GPC5: variants seen among roughly 807,000 people sequenced by gnomAD.
The protein encoded by GPC5 is glypican 5.
GPC5 carries 47 observed loss-of-function variants against 53.9 expected under a neutral mutation model. That is an observed-to-expected ratio of 0.87 (90% CI 0.69 to 1.11). The LOEUF is 1.11. Among genes scored for constraint, GPC5 ranks in the 50% most tolerant of loss-of-function variants. The pLI, the probability that GPC5 is intolerant of heterozygous loss-of-function variation, is 0.00. For missense variants in GPC5, 748 were observed against 713.1 expected, an observed-to-expected ratio of 1.05 and a Z score of -0.56; for synonymous variants, 286 against 263.3, an observed-to-expected ratio of 1.09 and a Z score of -0.84.
rs1165131732 is a variant in GPC5, at chr13:91,572,183, G to GTGTATATACACATA, written c.326-120998_326-120997insTACACATATGTATA. Among the ~76,000 whole-genome samples, 5 of 34,394 alleles carry GTGTATATACACATA rather than the reference G, an allele frequency of 1.5e-4. No individual in the cohort carries two copies. The Admixed American group carries it at 1.6e-3, about 11-fold the overall frequency. 22.6% of individuals were successfully genotyped at this position (34,394 alleles called of 152,430 possible). On this transcript the variant is annotated intron_variant, in intron 2 of 7. Coordinates refer to ENST00000377067, the MANE Select transcript of GPC5 (RefSeq NM_004466.6). ...TACACACACATATGTATATATACGT[G>GTGTATATACACATA]TGTATACACACACATATGTATATAT...
At chr13:91,905,177 A>C (rs1336165380) in intron 5 of GPC5, among the ~76,000 whole-genome samples, 1 of 152,018 alleles carries the variant, frequency 6.6e-6, no homozygotes, top group Admixed American at 6.6e-5. Context: ...TATCATTACA[A>C]ATATTCAACA....
chr13:91,532,192 GT>G (rs1886380174), intron 2 of GPC5, among the ~76,000 whole-genome samples: 1 of 152,148 alleles, frequency 6.6e-6, no homozygotes. Flanking sequence ...TTTTATATAT[GT>G]TATTGTCAAA....
At chr13:92,411,352 C>T (rs1876035916) in intron 7 of GPC5, among the ~76,000 whole-genome samples, 1 of 152,140 alleles carries the variant, frequency 6.6e-6, no homozygotes, top group Non-Finnish European at 1.5e-5. Flanking sequence ...ACCAATTGGT[C>T]TATAATAGAA....
chr13:91,424,547 A>G (rs1201873931), intron 1 of GPC5, among the ~76,000 whole-genome samples: 1 of 151,784 alleles, frequency 6.6e-6, no homozygotes, highest in East Asian at 1.9e-4. Context: ...TGTATTTTTA[A>G]GTAGAGACGG....
chr13:91,932,679 T>C (rs994315527), intron 6 of GPC5, among the ~76,000 whole-genome samples: 1 of 151,966 alleles, frequency 6.6e-6, no homozygotes, highest in Admixed American at 6.6e-5. Flanking sequence ...CGAGGATTGT[T>C]GCCTCCAATG....
At chr13:91,514,939 C>T (rs543923278) in intron 2 of GPC5, among the ~76,000 whole-genome samples, 12 of 152,202 alleles carry the variant, frequency 7.9e-5, no homozygotes, top group East Asian at 1.9e-4. Flanking sequence ...TTTATATCTG[C>T]GCTATTTAAA....
intron 7 of GPC5, among the ~76,000 whole-genome samples, chr13:92,855,309 G>A (rs778865753): frequency 6.6e-5 from 10 of 151,848 alleles, no homozygotes; most frequent in South Asian, 2.1e-4. Flanking sequence ...TTATTTAAGT[G>A]GTTAACTTTG....
intron 6 of GPC5, among the ~76,000 whole-genome samples, chr13:91,982,392 A>G (rs1200255159): frequency 1.3e-5 from 2 of 152,212 alleles, no homozygotes; most frequent in Non-Finnish European, 2.9e-5. Flanking sequence ...GGTTAATTAA[A>G]TGATGTAACA....
chr13:91,630,210 T>C (rs978798052), intron 2 of GPC5, among the ~76,000 whole-genome samples: 5 of 152,196 alleles, frequency 3.3e-5, no homozygotes, highest in Admixed American at 2.6e-4. Flanking sequence ...CTAACTGTAA[T>C]GCCTCTTTGG....
chr13:91,506,108 T>A (rs1228970915), intron 2 of GPC5, among the ~76,000 whole-genome samples: 1 of 152,116 alleles, frequency 6.6e-6, no homozygotes, highest in Non-Finnish European at 1.5e-5. Flanking sequence ...GCCAATTACT[T>A]TGCCTGAGAC....
intron 2 of GPC5, among the ~76,000 whole-genome samples, chr13:91,645,979 G>A (rs1300455529): frequency 6.6e-6 from 1 of 152,190 alleles, no homozygotes; most frequent in African/African-American, 2.4e-5. Flanking sequence ...CATGTTGGTA[G>A]CAGGTAACAC....
chr13:92,739,157 T>TAAAC (rs1195978337), intron 7 of GPC5, among the ~76,000 whole-genome samples: 1 of 152,116 alleles, frequency 6.6e-6, no homozygotes, highest in African/African-American at 2.4e-5. Flanking sequence ...TATTTATATA[T>TAAAC]AAACATATGT....
chr13:92,119,622 A>G lies in GPC5; in HGVS notation c.1402-25208A>G, dbSNP rs534588439. Among the ~76,000 whole-genome samples, 722 of 115,282 alleles carry G rather than the reference A, an allele frequency of 6.3e-3. 14 individuals carry two copies. The highest frequency in any genetic ancestry group is 0.023 in the African/African-American group (688 of 29,442). 75.6% of individuals were successfully genotyped at this position (115,282 alleles called of 152,430 possible). Reference sequence around the variant, plus strand: ...TTTTTAGTAGAGACGGGGTTTCACCATGTTAGCCAGGATGGTCTCGATCTC... The same window carrying G: ...TTTTTAGTAGAGACGGGGTTTCACCGTGTTAGCCAGGATGGTCTCGATCTC... On this transcript the variant is annotated intron_variant, in intron 6 of 7. Coordinates refer to ENST00000377067, the MANE Select transcript of GPC5 (RefSeq NM_004466.6).
intron 2 of GPC5, among the ~76,000 whole-genome samples, chr13:91,621,927 A>G (rs559874723): frequency 3.9e-5 from 6 of 152,022 alleles, no homozygotes; most frequent in Non-Finnish European, 7.4e-5. Context: ...TGCAGCCTTC[A>G]GTCTGTGGCC....
chr13:91,507,136 A>G (rs1342723303), intron 2 of GPC5, among the ~76,000 whole-genome samples: 1 of 152,130 alleles, frequency 6.6e-6, no homozygotes, highest in Non-Finnish European at 1.5e-5. Context: ...TTTACTTCTC[A>G]TAGCTCTGGA....
chr13:92,286,602 G>A (rs1203783324), intron 7 of GPC5, among the ~76,000 whole-genome samples: 1 of 152,006 alleles, frequency 6.6e-6, no homozygotes, highest in African/African-American at 2.4e-5. Flanking sequence ...GGATGAAGCT[G>A]GATACCATTA....
chr13:92,650,805 ATTTTAC>A (rs1261706281), intron 7 of GPC5, among the ~76,000 whole-genome samples: 1 of 152,098 alleles, frequency 6.6e-6, no homozygotes, highest in Non-Finnish European at 1.5e-5. Flanking sequence ...ATTTTTTAAA[ATTTTAC>A]TTTAAGTTCT....
intron 6 of GPC5, among the ~76,000 whole-genome samples, chr13:92,001,070 G>A (rs1489816046): frequency 6.6e-6 from 1 of 152,192 alleles, no homozygotes; most frequent in Non-Finnish European, 1.5e-5. Flanking sequence ...GGATACCAAA[G>A]TGTCACTTCC....
chr13:91,969,463 A>C (rs540998360), intron 6 of GPC5, among the ~76,000 whole-genome samples: 105 of 152,286 alleles, frequency 6.9e-4, no homozygotes, highest in African/African-American at 2.4e-3. Flanking sequence ...ACTGGTCTTG[A>C]TGGTAATTTT....
Sources: allele counts gnomAD v4.1 joint callset (sites outside exome capture counted in the v4.1 genomes callset), GRCh38; gene constraint gnomAD v4.1.1; transcripts MANE v1.5; gene names NCBI Gene and HGNC (gene_info 2026-07-23, HGNC 2026-07-21).